The following DAAM2 variants were observed in gnomAD, a reference collection of about 807,000 sequenced individuals.
The protein encoded by DAAM2 is dishevelled associated activator of morphogenesis 2.
A neutral mutation model predicts 120.7 loss-of-function variants in DAAM2; 39 were observed. The ratio of observed to expected loss-of-function variants is 0.32; its 90% CI spans 0.25 to 0.42. DAAM2 has a LOEUF of 0.42. Among genes scored for constraint, DAAM2 ranks in the 10% least tolerant of loss-of-function variants. DAAM2 has a pLI of 1.00. For synonymous variants in DAAM2, 488 were observed against 524.9 expected, an observed-to-expected ratio of 0.93 and a Z score of 0.96; for missense variants, 1,283 against 1,401.7, an observed-to-expected ratio of 0.92 and a Z score of 1.35.
At chr6:39,849,597 G>C (rs969405885) in intron 1 of DAAM2, among the ~76,000 whole-genome samples, 3 of 152,218 alleles carry the variant, frequency 2.0e-5, no homozygotes, top group Non-Finnish European at 2.9e-5. Context: ...CACCTGGTTA[G>C]AGTTGATGGC....
chr6:39,800,219 C>A (rs904322826), intron 1 of DAAM2, among the ~76,000 whole-genome samples: 1 of 152,142 alleles, frequency 6.6e-6, no homozygotes, highest in Non-Finnish European at 1.5e-5. Context: ...CCCAGGCAAG[C>A]TTTGCTTTGG....
Position 39,877,063 on chromosome 6 carries a change from G to A in DAAM2, c.1302-1140G>A, listed in dbSNP as rs368599749. Among the ~76,000 whole-genome samples the A allele has an allele frequency of 1.1e-4, 17 of 152,306 alleles. No individual in the cohort carries two copies. The East Asian group carries it at 2.7e-3, about 24-fold the overall frequency. On this transcript the variant is annotated intron_variant, in intron 11 of 24. Transcript: ENST00000274867. ...CCATGCAAGATTTTTGTTCCAGCTG[G>A]CTGGCTGCTTCCAGCTCTTCCATCT...
chr6:39,814,597 G>A (rs746763009), intron 1 of DAAM2, among the ~76,000 whole-genome samples: 34 of 152,360 alleles, frequency 2.2e-4, no homozygotes, highest in Middle Eastern at 3.4e-3. Flanking sequence ...ATTCAAACGC[G>A]TTCATCTTTC....
chr6:39,858,982 A>G (rs747182994), intron 2 of DAAM2, among the ~76,000 whole-genome samples: 9 of 152,194 alleles, frequency 5.9e-5, no homozygotes, highest in Non-Finnish European at 1.2e-4. Flanking sequence ...TTTAATAAGG[A>G]CCGAGCAGTC....
In DAAM2 at chr6:39,842,340, A is replaced by T. The variant is rs546766493; in HGVS notation, c.-56-13907A>T. Among the ~76,000 whole-genome samples the T allele has an allele frequency of 3.3e-5, 5 of 152,334 alleles. No homozygotes were observed. The South Asian group carries it at 1.0e-3, about 32-fold the overall frequency. ...GGGGAGAAGTTAATTGGTATAAAAAACATACACGTGGCCAGGTGAGATGGC... is the reference window on the plus strand; with the variant it reads ...GGGGAGAAGTTAATTGGTATAAAAATCATACACGTGGCCAGGTGAGATGGC... On this transcript the variant is annotated intron_variant, in intron 1 of 24. Coordinates refer to ENST00000274867, the MANE Select transcript of DAAM2 (RefSeq NM_001201427.2).
At chr6:39,899,998 C>A in intron 22 of DAAM2, 79 bp from the exon 23 acceptor site, 1 of 1,461,926 alleles carries the variant, frequency 6.8e-7, no homozygotes. Flanking sequence ...CTGTGAGTGA[C>A]GAGGGGAGAT....
rs2149348732 is a variant in DAAM2 at position 39,887,610 on chromosome 6, T to G, written c.2060+18T>G. On this transcript the variant is annotated intron_variant, in intron 16 of 24. Transcript: ENST00000274867. ...CTTTCCAAGTATGTGCAAAAGAAGGTGGTTGAGTTGGATGCCTGGGGGACA... is the reference window on the plus strand; with the variant it reads ...CTTTCCAAGTATGTGCAAAAGAAGGGGGTTGAGTTGGATGCCTGGGGGACA... The G allele has an allele frequency of 6.4e-7, 1 of 1,564,418 alleles. No homozygotes were observed. The highest frequency in any genetic ancestry group is 8.8e-7 in the Non-Finnish European group (1 of 1,137,324).
intron 4 of DAAM2, 42 bp from the exon 5 acceptor site, chr6:39,864,938 G>T: frequency 6.4e-7 from 1 of 1,567,564 alleles, no homozygotes; most frequent in South Asian, 1.2e-5. Context: ...TAGTGCAGAG[G>T]GTTGGGAGAC....
intron 1 of DAAM2, among the ~76,000 whole-genome samples, chr6:39,793,716 C>G (rs1761617265): frequency 6.6e-6 from 1 of 152,136 alleles, no homozygotes; most frequent in Non-Finnish European, 1.5e-5. Flanking sequence ...AAAGTGTGCT[C>G]CACGGAGAGT....
At chr6:39,854,655 C>A (rs1763932665) in intron 1 of DAAM2, among the ~76,000 whole-genome samples, 1 of 152,150 alleles carries the variant, frequency 6.6e-6, no homozygotes, top group South Asian at 2.1e-4. Flanking sequence ...CTAGAAGTTA[C>A]CCTGAGTTCA....
intron 2 of DAAM2, among the ~76,000 whole-genome samples, chr6:39,856,907 C>G (rs568743941): frequency 4.6e-5 from 7 of 152,292 alleles, no homozygotes; most frequent in Non-Finnish European, 8.8e-5. Flanking sequence ...AGACACTGGG[C>G]ACCTCGGAAC....
chr6:39,879,166 G>A lies in DAAM2; in HGVS notation c.1546-12G>A. On this transcript the variant is annotated splice_polypyrimidine_tract_variant and intron_variant, in intron 13 of 24. Coordinates refer to ENST00000274867, the MANE Select transcript of DAAM2 (RefSeq NM_001201427.2). ...ATGGCTTTGTCCTTGCAATTTTTCT[G>A]TTTCCTCACAGACAGGCCCTGTATC... 1 of 1,526,036 alleles carries A rather than the reference G, an allele frequency of 6.6e-7. No homozygotes were observed. Among genetic ancestry groups the A allele is most frequent in the Non-Finnish European group, 8.8e-7 (1 of 1,134,594 alleles). 94.5% of individuals were successfully genotyped at this position (1,526,036 alleles called of 1,614,324 possible). A position where few individuals can be genotyped will look rare whatever the true frequency, so the allele number is the denominator to read the frequency against.
intron 1 of DAAM2, chr6:39,822,267 C>T (rs11756622): frequency 0.047 from 7,205 of 152,298 alleles, 240 homozygotes; most frequent in Non-Finnish European, 0.074. Context: ...GTTTGGAGGG[C>T]TGGGGTCTGT....
intron 1 of DAAM2, among the ~76,000 whole-genome samples, chr6:39,803,250 GT>G (rs548498916): frequency 7.1e-4 from 108 of 152,252 alleles, no homozygotes; most frequent in African/African-American, 2.6e-3. Context: ...GCTTTAGGAG[GT>G]ATGGCCAAAG....
At chr6:39,893,687 C>T (rs201804173) in intron 19 of DAAM2, among the ~76,000 whole-genome samples, 1 of 152,144 alleles carries the variant, frequency 6.6e-6, no homozygotes, top group Non-Finnish European at 1.5e-5. Context: ...TGGCTGCTGT[C>T]CTTGTATAGA....
intron 1 of DAAM2, among the ~76,000 whole-genome samples, chr6:39,850,794 C>G (rs1398765410): frequency 6.6e-6 from 1 of 152,150 alleles, no homozygotes; most frequent in South Asian, 2.1e-4. Flanking sequence ...ATAGTCAATA[C>G]CATGTCCTTG....
intron 14 of DAAM2, among the ~76,000 whole-genome samples, chr6:39,880,476 G>C (rs948900139): frequency 6.6e-6 from 1 of 152,152 alleles, no homozygotes. Flanking sequence ...TTGTGCTGGG[G>C]GCTATGATGG....
chr6:39,836,508 A>G (rs558207953), intron 1 of DAAM2, among the ~76,000 whole-genome samples: 1 of 152,272 alleles, frequency 6.6e-6, no homozygotes, highest in South Asian at 2.1e-4. Context: ...GGTCAAGTAA[A>G]CCAGGCAAGG....
At chr6:39,860,768 A>G (rs948563672) in intron 2 of DAAM2, among the ~76,000 whole-genome samples, 160 bp from the exon 3 acceptor site, 2 of 152,200 alleles carry the variant, frequency 1.3e-5, no homozygotes, top group Non-Finnish European at 2.9e-5. Flanking sequence ...TATCTCTGAT[A>G]GAAAAAGAAA....
Sources: gnomAD v4.1 joint callset for allele counts (sites outside exome capture counted in the v4.1 genomes callset) on GRCh38, gnomAD v4.1.1 for gene constraint, MANE v1.5 for transcripts, NCBI Gene and HGNC (gene_info 2026-07-23, HGNC 2026-07-21) for gene names.